Variants in GPR4 observed in about 807,000 individuals in gnomAD.
GPR4 encodes the protein G protein-coupled receptor 4.
A neutral mutation model predicts 17.8 loss-of-function variants in GPR4; 11 were observed. That is an observed-to-expected ratio of 0.62 (90% CI 0.39 to 1.02). The LOEUF is 1.02. Among genes scored for constraint, GPR4 ranks in the 50% least tolerant of loss-of-function variants. The pLI, the probability that GPR4 is intolerant of heterozygous loss-of-function variation, is 0.00. For missense variants in GPR4, 364 were observed against 495.4 expected (o/e 0.73, Z 2.52); for synonymous variants, 219 against 222.8 (o/e 0.98, Z 0.15).
chr19:45,596,070 C>T (rs1970055060), intron 1 of GPR4, among the ~76,000 whole-genome samples: 2 of 152,220 alleles, frequency 1.3e-5, no homozygotes. Flanking sequence ...CCACTGTCCA[C>T]TCTGCGTCAG....
Position 45,590,459 on chromosome 19 carries a change from G to C in GPR4, c.*319C>G. 3.7e-6 allele frequency: 1 copy of C among 270,366 alleles called. No individual in the cohort carries two copies. 16.7% of individuals were successfully genotyped at this position (270,366 alleles called of 1,614,324 possible). On this transcript the variant is annotated 3_prime_UTR_variant, in exon 2 of 2. Transcript: ENST00000323040. Reference sequence around the variant, plus strand: ...AGGCTGATGTGGGAAGATCGCTGGAGAGCCCAGGAGGTGGAGGCTGCAGTG... The same window carrying C: ...AGGCTGATGTGGGAAGATCGCTGGACAGCCCAGGAGGTGGAGGCTGCAGTG...
Position 45,592,442 on chromosome 19 carries a change from G to C in GPR4, c.-576C>G, listed in dbSNP as rs900304005. On this transcript the variant is annotated 5_prime_UTR_variant, in exon 2 of 2. In the 5' UTR this introduces an upstream ATG that the reference lacks. Coordinates refer to ENST00000323040, the MANE Select transcript of GPR4 (RefSeq NM_005282.3). ...TCCTAGGACCCCAGAAAGCAACAGA[G>C]ATAAGTAAGGTCACCAGTAAGGAGA... 8 of 167,422 alleles carry C rather than the reference G, an allele frequency of 4.8e-5. No individual in the cohort carries two copies. The Admixed American group carries it at 5.2e-4, about 11-fold the overall frequency. The allele number at this position is 167,422 out of a possible 1,614,324, so 10.4% of individuals were successfully genotyped here. A position where few individuals can be genotyped will look rare whatever the true frequency, so the allele number is the denominator to read the frequency against.
At chr19:45,599,620 C>T (rs1209290534) in intron 1 of GPR4, 2 of 152,232 alleles carry the variant, frequency 1.3e-5, no homozygotes, top group Non-Finnish European at 2.9e-5. Context: ...GAGAGGGTCT[C>T]TGTGCCCCCA....
chr19:45,597,073 CTTT>C (rs56679454), intron 1 of GPR4, among the ~76,000 whole-genome samples: 1 of 145,684 alleles, frequency 6.9e-6, no homozygotes, highest in African/African-American at 2.5e-5. Flanking sequence ...CTGGAATGCT[CTTT>C]TTTTTTTTTG....
chr19:45,591,995 C>G lies in GPR4; in HGVS notation c.-129G>C. ...TCAGGGGAACATGGTGGGATGTGGTCTACAGGGAAGAGATGAGGTTGGGTA... is the reference window on the plus strand; with the variant it reads ...TCAGGGGAACATGGTGGGATGTGGTGTACAGGGAAGAGATGAGGTTGGGTA... On this transcript the variant is annotated 5_prime_UTR_variant, in exon 2 of 2. Transcript: ENST00000323040. This position sits in a 1 kb window ranked among gnomAD's most constrained non-coding sequence, Gnocchi z 7.6. 9.8e-7 allele frequency: 1 copy of G among 1,023,674 alleles called. No individual in the cohort carries two copies. Among genetic ancestry groups the G allele is most frequent in the Admixed American group, 3.2e-5 (1 of 31,708 alleles). The allele number at this position is 1,023,674 out of a possible 1,614,324, so 63.4% of individuals were successfully genotyped here.
At chr19:45,596,330 G>C (rs1473214193) in intron 1 of GPR4, among the ~76,000 whole-genome samples, 1 of 150,830 alleles carries the variant, frequency 6.6e-6, no homozygotes, top group Admixed American at 6.6e-5. Context: ...CTCTTCCTCT[G>C]GAGTAGCTGG....
At position 45,591,459 on chromosome 19, in the gene GPR4, G is replaced by C. The variant is rs780072441; in HGVS notation, c.408C>G (p.Ala136=). 1.2e-6 allele frequency: 2 copies of C among 1,608,004 alleles called. No individual in the cohort carries two copies. Among genetic ancestry groups the C allele is most frequent in the Non-Finnish European group, 1.7e-6 (2 of 1,178,312 alleles). The change falls in exon 2 of 2, where the codon GCC becomes GCG. Residue 136 remains alanine (A), a synonymous_variant. Transcript: ENST00000323040. The surrounding 1 kb of genome is among the most constrained non-coding windows in gnomAD (Gnocchi z 7.6). Reference sequence around the variant, plus strand: ...CCGTGGCCCAGACCACGGAGCTCACGGCCACGGCGGTCTTGACGCGGCGCA... The same window carrying C: ...CCGTGGCCCAGACCACGGAGCTCACCGCCACGGCGGTCTTGACGCGGCGCA... The part of the protein sequence containing the change: ...ARLRRVKTAV[A]VSSVVWATEL...
Position 45,591,212 on chromosome 19 carries a change from TCTC to T in GPR4, c.652_654del (p.Glu218del), listed in dbSNP as rs1969989845. The T allele has an allele frequency of 6.2e-7, 1 of 1,613,222 alleles. No homozygotes were observed. The highest frequency in any genetic ancestry group is 1.3e-5 in the African/African-American group (1 of 74,858). On this transcript the variant is annotated inframe_deletion, in exon 2 of 2. Coordinates refer to ENST00000323040, the MANE Select transcript of GPR4 (RefSeq NM_005282.3). The surrounding 1 kb of genome is among the most constrained non-coding windows in gnomAD (Gnocchi z 7.6). ...AGGGCCAGCCGCTTGATCTTGGCCT[TCTC>T]CTGGCGCTCGGTGGACACGCTGCCC... is the stretch of plus-strand genomic sequence containing the variant.
At chr19:45,595,866 C>T (rs1326313415) in intron 1 of GPR4, among the ~76,000 whole-genome samples, 1 of 152,114 alleles carries the variant, frequency 6.6e-6, no homozygotes, top group East Asian at 1.9e-4. Context: ...CCCCAGGATG[C>T]ACTTTTAAAA....
rs1163851159 is a variant in GPR4, at chr19:45,591,713, G to A, written c.154C>T (p.Leu52=). Residue 52 remains leucine (L), a synonymous_variant, in exon 2 of 2, where the codon CTG becomes TTG. Transcript: ENST00000323040. The surrounding 1 kb of genome is among the most constrained non-coding windows in gnomAD (Gnocchi z 7.6). Reference sequence around the variant, plus strand: ...CTGAGGTTCATCAGGTAGACGCCCAGCTCGTTGCGCTGTTGCACCTGGCGG... The same window carrying A: ...CTGAGGTTCATCAGGTAGACGCCCAACTCGTTGCGCTGTTGCACCTGGCGG... The part of the protein sequence containing the change: ...AYRQVQQRNE[L]GVYLMNLSIA... The A allele has an allele frequency of 6.2e-7, 1 of 1,613,968 alleles. No individual in the cohort carries two copies. The highest frequency in any genetic ancestry group is 8.5e-7 in the Non-Finnish European group (1 of 1,179,988).
intron 1 of GPR4, among the ~76,000 whole-genome samples, chr19:45,599,336 A>T (rs1230302120): frequency 6.7e-6 from 1 of 149,566 alleles, no homozygotes; most frequent in Non-Finnish European, 1.5e-5. Flanking sequence ...ATCCCCCAGC[A>T]CCCCTGGGCT....
intron 1 of GPR4, among the ~76,000 whole-genome samples, chr19:45,599,027 C>A (rs1367870832): frequency 6.6e-6 from 1 of 152,182 alleles, no homozygotes; most frequent in Non-Finnish European, 1.5e-5. Context: ...AAGTTCTGCC[C>A]CTTAGGCTCT....
intron 1 of GPR4, among the ~76,000 whole-genome samples, chr19:45,597,990 G>A (rs1288808287): frequency 1.3e-5 from 2 of 152,022 alleles, no homozygotes; most frequent in Non-Finnish European, 2.9e-5. Context: ...ACTCCAGGCT[G>A]GAACAGTGTG....
At chr19:45,595,750 C>G (rs1256206154) in intron 1 of GPR4, among the ~76,000 whole-genome samples, 1 of 150,014 alleles carries the variant, frequency 6.7e-6, no homozygotes, top group East Asian at 1.9e-4. Context: ...TTTTTTTTTC[C>G]CCCAACAAGA....
Position 45,590,634 on chromosome 19 carries a change from A to G in GPR4, c.*144T>C, listed in dbSNP as rs1969979371. ...GGGAGCACAAAGGTTGACCAGTGAC[A>G]CACCAACCTCACTCTTCCTAAGTTC... On this transcript the variant is annotated 3_prime_UTR_variant, in exon 2 of 2. Coordinates refer to ENST00000323040, the MANE Select transcript of GPR4 (RefSeq NM_005282.3). 9.3e-7 allele frequency: 1 copy of G among 1,077,120 alleles called. No individual in the cohort carries two copies. The allele number at this position is 1,077,120 out of a possible 1,614,324, so 66.7% of individuals were successfully genotyped here.
Position 45,594,757 on chromosome 19 carries a change from A to G in GPR4, c.-831-2060T>C, listed in dbSNP as rs1214024027. Among the ~76,000 whole-genome samples, 3 of 125,006 alleles carry G rather than the reference A, an allele frequency of 2.4e-5. 1 individual carries two copies. Among genetic ancestry groups the G allele is most frequent in the Non-Finnish European group, 5.1e-5 (3 of 58,376 alleles). The allele number at this position is 125,006 out of a possible 152,430, so 82.0% of individuals were successfully genotyped here. On this transcript the variant is annotated intron_variant, in intron 1 of 1. Transcript: ENST00000323040. ...CAGCACTTTGGGAGGCCAAGGCGGG[A>G]GGATCGCCTGAGGTCAGGAGTTCAA...
At chr19:45,598,944 A>C (rs1970085219) in intron 1 of GPR4, among the ~76,000 whole-genome samples, 1 of 152,086 alleles carries the variant, frequency 6.6e-6, no homozygotes, top group Admixed American at 6.6e-5. Context: ...CCCCACAAAG[A>C]AAGCAAGCGA....
chr19:45,595,987 T>C (rs1447842929), intron 1 of GPR4, among the ~76,000 whole-genome samples: 1 of 152,128 alleles, frequency 6.6e-6, no homozygotes, highest in African/African-American at 2.4e-5. Flanking sequence ...AGAGCATCTT[T>C]CCATGGGAAA....
chr19:45,591,366 G>A lies in GPR4; in HGVS notation c.501C>T (p.Phe167=), dbSNP rs747782054. The part of the protein sequence containing the change: ...ELFRDRYNHT[F]CFEKFPMEGW... ...CTTCCATGGGGAACTTCTCAAAGCA[G>A]AAGGTGTGGTTGTAGCGGTCTCGGA... Residue 167 remains phenylalanine (F), a synonymous_variant, in exon 2 of 2, where the codon TTC becomes TTT. Transcript: ENST00000323040. This position sits in a 1 kb window ranked among gnomAD's most constrained non-coding sequence, Gnocchi z 7.6. 8 of 1,613,436 alleles carry A rather than the reference G, an allele frequency of 5.0e-6. No individual in the cohort carries two copies. The highest frequency in any genetic ancestry group is 6.8e-6 in the Non-Finnish European group (8 of 1,179,956).
Sources: allele counts gnomAD v4.1 joint callset (sites outside exome capture counted in the v4.1 genomes callset), GRCh38; gene constraint gnomAD v4.1.1; non-coding constraint Gnocchi (gnomAD v3.1); transcripts MANE v1.5; gene names NCBI Gene and HGNC (gene_info 2026-07-23, HGNC 2026-07-21).